Variants in DTX2 observed in about 807,000 individuals in gnomAD.
The protein encoded by DTX2 is deltex E3 ubiquitin ligase 2.
Under a neutral mutation model 55.3 loss-of-function variants are expected in DTX2, and 29 were observed. The observed-to-expected ratio is 0.52, with a 90% CI of 0.39 to 0.71. The LOEUF (loss-of-function observed/expected upper bound fraction) is 0.71, where lower values mean the gene tolerates loss of function less well. Among genes scored for constraint, DTX2 ranks in the 30% least tolerant of loss-of-function variants. The pLI is 0.00. For synonymous variants in DTX2, 276 were observed against 340.4 expected (o/e 0.81, Z 2.08); for missense variants, 537 against 822.5 (o/e 0.65, Z 4.25).
Position 76,505,362 on chromosome 7 carries a change from C to T in DTX2, c.1642-12C>T, listed in dbSNP as rs1379036704. 1.2e-5 allele frequency: 18 copies of T among 1,560,340 alleles called. No individual in the cohort carries two copies. Among genetic ancestry groups the T allele is most frequent in the Non-Finnish European group, 1.6e-5 (18 of 1,151,778 alleles). On this transcript the variant is annotated splice_polypyrimidine_tract_variant and intron_variant, in intron 10 of 10. Coordinates refer to ENST00000430490, the MANE Select transcript of DTX2 (RefSeq NM_001102594.3). The surrounding 1 kb of genome is among the most constrained non-coding windows in gnomAD (Gnocchi z 4.4). The stretch of plus-strand genomic sequence containing the variant: ...CCCCTCCTTCCTCTTCCCCCTCCTC[C>T]TCCCCGGGCAGGTCCTAGAGCTCCT...
intron 6 of DTX2, among the ~76,000 whole-genome samples, chr7:76,499,513 C>G (rs907507149): frequency 6.6e-6 from 1 of 151,666 alleles, no homozygotes; most frequent in African/African-American, 2.4e-5. Context: ...AAACCAGAGC[C>G]CCTTCTGGTC....
chr7:76,473,070 A>G (rs1338971707), intron 2 of DTX2, among the ~76,000 whole-genome samples: 2 of 152,018 alleles, frequency 1.3e-5, no homozygotes. Context: ...GCCTCAAGCA[A>G]TCCTCTTCCC....
At chr7:76,474,181 T>TTTTTTC (rs147079258) in intron 2 of DTX2, among the ~76,000 whole-genome samples, 7,299 of 146,628 alleles carry the variant, frequency 0.05, 381 homozygotes, top group East Asian at 0.12. Context: ...GCCTACTTTT[T>TTTTTTC]TTTTTCTTTT....
intron 2 of DTX2, among the ~76,000 whole-genome samples, chr7:76,465,279 G>T (rs1373173695): frequency 6.9e-6 from 1 of 144,762 alleles, no homozygotes; most frequent in Non-Finnish European, 1.5e-5. Flanking sequence ...GGGAGTAGTG[G>T]ATCCTCATTT....
rs190665875 is a variant in DTX2 at position 76,480,195 on chromosome 7, C to T, written c.-89-226C>T. ...TGGTGAATGCCTATTGTCCCAGCTG[C>T]TCTGGAGGCTGAGTTGTGAGGATTG... is the stretch of plus-strand genomic sequence containing the variant. On this transcript the variant is annotated intron_variant, in intron 2 of 10. Coordinates refer to ENST00000430490, the MANE Select transcript of DTX2 (RefSeq NM_001102594.3). Among the ~76,000 whole-genome samples the T allele has an allele frequency of 1.4e-3, 210 of 145,680 alleles. 1 individual carries two copies. The highest frequency in any genetic ancestry group is 5.3e-3 in the African/African-American group (202 of 38,316).
chr7:76,483,987 G>A (rs948476072), intron 4 of DTX2, among the ~76,000 whole-genome samples: 1 of 149,930 alleles, frequency 6.7e-6, no homozygotes, highest in Non-Finnish European at 1.5e-5. Flanking sequence ...AGACCAGGAG[G>A]TCAAGGCAGC....
rs1348537261 is a variant in DTX2 at position 76,482,879 on chromosome 7, T to C, written c.640T>C (p.Tyr214His). The change falls in exon 4 of 11, where the codon TAC becomes CAC. Residue 214 changes from tyrosine to histidine, a missense_variant. Around this residue, in one of 7 missense-constraint regions of DTX2, gnomAD observed 301 missense variants for 396.6 expected, o/e 0.76. Coordinates refer to ENST00000430490, the MANE Select transcript of DTX2 (RefSeq NM_001102594.3). The part of the protein sequence containing the change: ...GSRTGPVSGR[Y>H]RHSMTNLPAY... ...CAGAACTGGCCCCGTGTCAGGCCGC[T>C]ACCGCCACTCCATGACCAACCTCCC... 1 of 1,613,640 alleles carries C rather than the reference T, an allele frequency of 6.2e-7. No homozygotes were observed. The highest frequency in any genetic ancestry group is 8.5e-7 in the Non-Finnish European group (1 of 1,179,764).
chr7:76,490,335 C>G (rs1349893559), intron 4 of DTX2, among the ~76,000 whole-genome samples: 2 of 86,500 alleles, frequency 2.3e-5, no homozygotes, highest in African/African-American at 5.6e-5. Context: ...CTCACCCCCC[C>G]AAAAAAAGAA....
chr7:76,478,466 A>G (rs1808791823), intron 2 of DTX2, among the ~76,000 whole-genome samples: 1 of 137,488 alleles, frequency 7.3e-6, no homozygotes, highest in Admixed American at 7.8e-5. Flanking sequence ...CCGAGGCTGG[A>G]GTGCCTTGGG....
intron 3 of DTX2, among the ~76,000 whole-genome samples, chr7:76,481,133 A>G (rs1809151544): frequency 6.6e-6 from 1 of 151,766 alleles, no homozygotes; most frequent in Non-Finnish European, 1.5e-5. Flanking sequence ...TGGGCAGGCA[A>G]CTGCGCCCCT....
chr7:76,505,577 C>T lies in DTX2; in HGVS notation c.1845C>T (p.Thr615=), dbSNP rs1176653152. ...CTGAGCTGGCTGCCCAGGGGGTGAC[C>T]GAGGACTGCCTGGAGCAGCAGTGAC... ...VLAELAAQGV[T]EDCLEQQ The change falls in exon 11 of 11, where the codon ACC becomes ACT. Residue 615 remains threonine, a synonymous_variant. Transcript: ENST00000430490. This position sits in a 1 kb window ranked among gnomAD's most constrained non-coding sequence, Gnocchi z 4.4. 9 of 1,582,390 alleles carry T rather than the reference C, an allele frequency of 5.7e-6. No homozygotes were observed. The highest frequency in any genetic ancestry group is 2.3e-5 in the East Asian group (1 of 43,550).
intron 5 of DTX2, 108 bp downstream of exon 5, chr7:76,492,361 A>C (rs554385895): frequency 7.1e-6 from 9 of 1,276,334 alleles, no homozygotes; most frequent in Middle Eastern, 3.2e-4. Flanking sequence ...GGGAGAGCCA[A>C]AGGGGCTCCC....
chr7:76,466,423 T>TA (rs1807192593), intron 2 of DTX2, among the ~76,000 whole-genome samples: 1 of 151,420 alleles, frequency 6.6e-6, no homozygotes, highest in African/African-American at 2.4e-5. Context: ...CTTTTTTTTT[T>TA]AATTTTAAAA....
chr7:76,468,054 A>T (rs1807370744), intron 2 of DTX2, among the ~76,000 whole-genome samples: 1 of 152,272 alleles, frequency 6.6e-6, no homozygotes, highest in Non-Finnish European at 1.5e-5. Flanking sequence ...GATCCTGAGG[A>T]TCCGGGGGGA....
rs1039548567 is a variant in DTX2, at chr7:76,501,227, C to T, written c.1230+707C>T. ...TTGGGGGCGGGTGGAAGGCCAGGAG[C>T]CCCAGTACCCAGGGACTCTTCACTT... On this transcript the variant is annotated intron_variant, in intron 7 of 10. Coordinates refer to ENST00000430490, the MANE Select transcript of DTX2 (RefSeq NM_001102594.3). 22 of 451,946 alleles carry T rather than the reference C, an allele frequency of 4.9e-5. 1 individual carries two copies. In the Admixed American group the frequency reaches 5.1e-4, roughly 10 times the overall value. The allele number at this position is 451,946 out of a possible 1,614,324, so 28.0% of individuals were successfully genotyped here. A position where few individuals can be genotyped will look rare whatever the true frequency, so the allele number is the denominator to read the frequency against.
In DTX2 at chr7:76,505,429, C is replaced by T. The variant is rs1293116457; in HGVS notation, c.1697C>T (p.Thr566Met). 10 of 1,600,572 alleles carry T rather than the reference C, an allele frequency of 6.2e-6. No homozygotes were observed. The highest frequency in any genetic ancestry group is 3.4e-5 in the South Asian group (3 of 88,856). ...AGGCGGCTCATCTTCACAGTGGGCACGTCCAGCACCACGGGTGAGACGGAC... is the reference window on the plus strand; with the variant it reads ...AGGCGGCTCATCTTCACAGTGGGCATGTCCAGCACCACGGGTGAGACGGAC... ...WKRRLIFTVG[T>M]SSTTGETDTV... The change falls in exon 11 of 11, where the codon ACG (threonine) becomes ATG (methionine). Residue 566 changes from threonine to methionine, a missense_variant. Physicochemically the swap from Thr to Met is moderately conservative, Grantham distance 81. This residue lies in a region of DTX2 where 33 missense variants were observed against 48.4 expected (regional missense o/e 0.68). Coordinates refer to ENST00000430490, the MANE Select transcript of DTX2 (RefSeq NM_001102594.3). This position sits in a 1 kb window ranked among gnomAD's most constrained non-coding sequence, Gnocchi z 4.4.
Position 76,496,043 on chromosome 7 carries a change from G to C in DTX2, c.1010-1294G>C, listed in dbSNP as rs548465387. Among the ~76,000 whole-genome samples the C allele has an allele frequency of 8.7e-4, 83 of 95,124 alleles. 7 individuals carry two copies. Among genetic ancestry groups the C allele is most frequent in the Non-Finnish European group, 1.2e-3 (54 of 46,470 alleles). 62.4% of individuals were successfully genotyped at this position (95,124 alleles called of 152,430 possible). On this transcript the variant is annotated intron_variant, in intron 5 of 10. Transcript: ENST00000430490. The stretch of plus-strand genomic sequence containing the variant: ...CAGTTCCCACAGGAACCGCATTTGA[G>C]CCCAGGAACAAGCTTGGGATGTTGG...
Position 76,505,533 on chromosome 7 carries a change from T to C in DTX2, c.1801T>C (p.Tyr601His). 2 of 1,609,322 alleles carry C rather than the reference T, an allele frequency of 1.2e-6. No individual in the cohort carries two copies. The highest frequency in any genetic ancestry group is 1.1e-5 in the South Asian group (1 of 90,124). ...GGGCCACGGCTATCCCGACCCCAAC[T>C]ACCTGCAGAACGTGCTGGCTGAGCT... is the stretch of plus-strand genomic sequence containing the variant. ...ITGHGYPDPN[Y>H]LQNVLAELAA... Residue 601 changes from tyrosine (Y) to histidine (H), a missense_variant, in exon 11 of 11, where the codon TAC (tyrosine) becomes CAC (histidine). By Grantham distance (83) the Tyr-to-His change is moderately conservative. This residue lies in a region of DTX2 where 59 missense variants were observed against 54.1 expected (regional missense o/e 1.09). Transcript: ENST00000430490. This position sits in a 1 kb window ranked among gnomAD's most constrained non-coding sequence, Gnocchi z 4.4.
intron 4 of DTX2, 42 bp downstream of exon 4, chr7:76,483,189 T>C (rs1440509732): frequency 6.3e-7 from 1 of 1,594,396 alleles, no homozygotes; most frequent in Non-Finnish European, 8.5e-7. Context: ...GCCCTGTGTT[T>C]CCGCTCTTAG....
Sources: gnomAD v4.1 joint callset for allele counts (sites outside exome capture counted in the v4.1 genomes callset) on GRCh38, gnomAD v4.1.1 for gene constraint, gnomAD v4.1.1 regional missense constraint, Gnocchi (gnomAD v3.1) non-coding constraint, MANE v1.5 for transcripts, NCBI Gene and HGNC (gene_info 2026-07-23, HGNC 2026-07-21) for gene names.